Variants in COL14A1 observed in about 807,000 individuals in gnomAD.
COL14A1 encodes the protein collagen type XIV alpha 1 chain.
COL14A1 carries 136 observed loss-of-function variants against 230.3 expected under a neutral mutation model. That is an observed-to-expected ratio of 0.59 (90% CI 0.51 to 0.68). The LOEUF (loss-of-function observed/expected upper bound fraction) is 0.68. Ranked by LOEUF, COL14A1 falls within the 30% of genes least tolerant of loss-of-function variation. The pLI, the probability that COL14A1 is intolerant of heterozygous loss-of-function variation, is 0.00. For missense variants in COL14A1, 1,976 were observed against 2,215.8 expected (o/e 0.89, Z 2.17); for synonymous variants, 792 against 784.1 (o/e 1.01, Z -0.17).
chr8:120,334,584 A>AC (rs781272681), intron 42 of COL14A1, among the ~76,000 whole-genome samples: 58,388 of 125,408 alleles, frequency 0.47, 11,388 homozygotes, highest in African/African-American at 0.53. Flanking sequence ...TCACACACAA[A>AC]AACACACACA....
intron 5 of COL14A1, among the ~76,000 whole-genome samples, chr8:120,173,605 C>A (rs1177975438): frequency 1.2e-5 from 1 of 80,482 alleles, no homozygotes; most frequent in Non-Finnish European, 2.7e-5. Flanking sequence ...ATCTATCAAT[C>A]ATCTGTTATC....
chr8:120,319,419 C>T (rs1246467777), intron 40 of COL14A1, among the ~76,000 whole-genome samples: 3 of 152,062 alleles, frequency 2.0e-5, no homozygotes, highest in Non-Finnish European at 1.5e-5. Flanking sequence ...AAGCGATTCT[C>T]CTGCCTCAGC....
chr8:120,199,658 C>A, intron 8 of COL14A1, 92 bp downstream of exon 8: 2 of 1,345,172 alleles, frequency 1.5e-6, no homozygotes, highest in Non-Finnish European at 2.0e-6. Flanking sequence ...TCACTGAAAG[C>A]CAGGAGACCT....
At chr8:120,192,329 T>C (rs1252662423) in intron 5 of COL14A1, among the ~76,000 whole-genome samples, 1 of 152,146 alleles carries the variant, frequency 6.6e-6, no homozygotes, top group Non-Finnish European at 1.5e-5. Flanking sequence ...GGATATGAAA[T>C]TCTGGGTTGA....
intron 3 of COL14A1, among the ~76,000 whole-genome samples, chr8:120,160,078 G>A: frequency 6.6e-6 from 1 of 152,214 alleles, no homozygotes; most frequent in Middle Eastern, 3.4e-3. Flanking sequence ...CTTTTCCCAT[G>A]GTGGCGTACA....
intron 45 of COL14A1, among the ~76,000 whole-genome samples, chr8:120,360,718 A>G (rs372928119): frequency 2.6e-5 from 4 of 151,574 alleles, no homozygotes; most frequent in African/African-American, 9.7e-5. Context: ...TGTGTTTCCT[A>G]CTCCATGACG....
Position 120,262,159 on chromosome 8 carries a change from G to A in COL14A1, c.2870-709G>A, listed in dbSNP as rs189978455. Among the ~76,000 whole-genome samples the A allele has an allele frequency of 3.6e-4, 54 of 152,020 alleles. 1 individual carries two copies. Among genetic ancestry groups the A allele is most frequent in the African/African-American group, 1.2e-3 (49 of 41,492 alleles). ...TGGGCTGTGTTCAGAAAATCATATCGAATAAAAGGGAGTTCAGATTTAAAA... is the reference window on the plus strand; with the variant it reads ...TGGGCTGTGTTCAGAAAATCATATCAAATAAAAGGGAGTTCAGATTTAAAA... On this transcript the variant is annotated intron_variant, in intron 23 of 47. Coordinates refer to ENST00000297848, the MANE Select transcript of COL14A1 (RefSeq NM_021110.4).
intron 40 of COL14A1, among the ~76,000 whole-genome samples, chr8:120,323,489 C>G (rs1821536605): frequency 6.6e-6 from 1 of 152,064 alleles, no homozygotes; most frequent in Non-Finnish European, 1.5e-5. Flanking sequence ...GAAATCTTTG[C>G]CCGCTCCTAT....
rs139678102 is a variant in COL14A1, at chr8:120,204,889, T to C, written c.1039+1019T>C. ...GGGTCCAGGCAGGCTCTTCATGTGG[T>C]CTCTCTTGATATCATAGATAGGATT... On this transcript the variant is annotated intron_variant, in intron 9 of 47. Coordinates refer to ENST00000297848, the MANE Select transcript of COL14A1 (RefSeq NM_021110.4). 2.8e-3 allele frequency among the ~76,000 whole-genome samples: 419 copies of C among 152,250 alleles called. 1 individual carries two copies. The highest frequency in any genetic ancestry group is 5.4e-3 in the East Asian group (28 of 5,178).
At chr8:120,342,539 C>A in intron 44 of COL14A1, 93 bp downstream of exon 44, 1 of 1,208,030 alleles carries the variant, frequency 8.3e-7, no homozygotes, top group South Asian at 1.3e-5. Context: ...CTAAGGAAAA[C>A]TCTAAAGCAT....
intron 1 of COL14A1, among the ~76,000 whole-genome samples, chr8:120,147,241 T>A (rs1815126742): frequency 6.6e-6 from 1 of 152,064 alleles, no homozygotes; most frequent in Non-Finnish European, 1.5e-5. Context: ...TTGGAAGAGT[T>A]TTAGATTCAC....
At chr8:120,141,876 C>A (rs1177245175) in intron 1 of COL14A1, among the ~76,000 whole-genome samples, 1 of 152,058 alleles carries the variant, frequency 6.6e-6, no homozygotes, top group Non-Finnish European at 1.5e-5. Flanking sequence ...TTATGGGTAT[C>A]TTTTAACATT....
intron 15 of COL14A1, 63 bp downstream of exon 15, chr8:120,225,277 A>G: frequency 1.5e-6 from 2 of 1,334,074 alleles, no homozygotes; most frequent in African/African-American, 1.5e-5. Flanking sequence ...AGAAACCAGA[A>G]CCTGGAGCAC....
chr8:120,168,321 G>T (rs1250856717), intron 5 of COL14A1, 74 bp downstream of exon 5: 7 of 1,078,646 alleles, frequency 6.5e-6, no homozygotes, highest in Admixed American at 2.0e-5. Flanking sequence ...TCACATGTGG[G>T]GTTGCTGGTC....
At position 120,199,516 on chromosome 8, in the gene COL14A1, T is replaced by C; in HGVS notation, c.827T>C (p.Ile276Thr). Reference protein sequence around the residue: ...ITDGKSQDDIIPPSRNLRESG... With the variant: ...ITDGKSQDDITPPSRNLRESG... ...GATGGAAAATCCCAAGATGACATTA[T>C]TCCACCATCTAGAAATCTTCGTGAG... The change falls in exon 8 of 48, where the codon ATT becomes ACT. Residue 276 changes from isoleucine (I) to threonine (T), a missense_variant. Physicochemically the swap from Ile to Thr is moderately conservative, Grantham distance 89. Around this residue, in one of 3 missense-constraint regions of COL14A1, gnomAD observed 1,791 missense variants for 2,019.5 expected, o/e 0.89. Coordinates refer to ENST00000297848, the MANE Select transcript of COL14A1 (RefSeq NM_021110.4). The C allele has an allele frequency of 6.2e-7, 1 of 1,613,236 alleles. No individual in the cohort carries two copies. The highest frequency in any genetic ancestry group is 8.5e-7 in the Non-Finnish European group (1 of 1,179,630).
At chr8:120,301,207 T>C (rs139955367) in intron 36 of COL14A1, among the ~76,000 whole-genome samples, 2 of 152,140 alleles carry the variant, frequency 1.3e-5, no homozygotes, top group Non-Finnish European at 1.5e-5. Flanking sequence ...TTTTTTAAAC[T>C]TTTACTTTAG....
chr8:120,208,211 C>A, intron 10 of COL14A1, 21 bp from the exon 11 acceptor site: 1 of 1,590,226 alleles, frequency 6.3e-7, no homozygotes. Flanking sequence ...ACTCTCATTA[C>A]TCAAACTGTT....
intron 9 of COL14A1, among the ~76,000 whole-genome samples, chr8:120,206,282 TA>T (rs555308426): frequency 5.9e-5 from 9 of 152,218 alleles, no homozygotes; most frequent in African/African-American, 1.4e-4. Flanking sequence ...GTAGATGAGA[TA>T]AAAAAAACTT....
chr8:120,287,926 G>A (rs1016259302), intron 33 of COL14A1, among the ~76,000 whole-genome samples: 2 of 151,438 alleles, frequency 1.3e-5, no homozygotes, highest in Non-Finnish European at 2.9e-5. Flanking sequence ...TGGGCCCAAG[G>A]TCTCTTTCAA....
Sources: gnomAD v4.1 joint callset for allele counts (sites outside exome capture counted in the v4.1 genomes callset) on GRCh38, gnomAD v4.1.1 for gene constraint, gnomAD v4.1.1 regional missense constraint, MANE v1.5 for transcripts, NCBI Gene and HGNC (gene_info 2026-07-23, HGNC 2026-07-21) for gene names.